The following USP6NL variants were observed in gnomAD, a reference collection of about 807,000 sequenced individuals.
USP6NL encodes the protein USP6 N-terminal-like protein.
USP6NL carries 26 observed loss-of-function variants against 61.9 expected under a neutral mutation model. The observed-to-expected ratio is 0.42, with a 90% confidence interval of 0.31 to 0.58. The LOEUF is 0.58. USP6NL is among the 20% of genes least tolerant of loss of function. The pLI is 0.16. For missense variants in USP6NL, 1,114 were observed against 1,034.3 expected, an observed-to-expected ratio of 1.08 and a Z score of -1.06; for synonymous variants, 432 against 390.1, an observed-to-expected ratio of 1.11 and a Z score of -1.27.
rs1045537448 is a variant in USP6NL at position 11,476,599 on chromosome 10, A to G, written c.1078+5171T>C. On this transcript the variant is annotated intron_variant, in intron 14 of 14. Transcript: ENST00000609104. The surrounding 1 kb of genome is among the most constrained non-coding windows in gnomAD (Gnocchi z 4.3). ...GGTGATCATTTTTAATTTTTACATC[A>G]TATTTCTCTGTATTTTTGATAGTTT... Among the ~76,000 whole-genome samples the G allele has an allele frequency of 3.3e-5, 5 of 152,168 alleles. No individual in the cohort carries two copies. Among genetic ancestry groups the G allele is most frequent in the African/African-American group, 1.2e-4 (5 of 41,428 alleles).
rs1833395938 is a variant in USP6NL at position 11,485,010 on chromosome 10, G to T, written c.886C>A (p.Leu296Ile). The T allele has an allele frequency of 6.4e-7, 1 of 1,550,858 alleles. No individual in the cohort carries two copies. Reference protein sequence around the residue: ...DIYIFEGERVLTAMSYTILKL... With the variant: ...DIYIFEGERVITAMSYTILKL... ...AAGATGGTGTAAGACATAGCAGTAA[G>T]AACTCGTTCTCCTTCAAAGATGTAG... The change falls in exon 13 of 15, where the codon CTT becomes ATT. Residue 296 changes from leucine to isoleucine, a missense_variant. By Grantham distance (5) the Leu-to-Ile change is conservative (BLOSUM62 2). Coordinates refer to ENST00000609104, the MANE Select transcript of USP6NL (RefSeq NM_014688.5). This position sits in a 1 kb window ranked among gnomAD's most constrained non-coding sequence, Gnocchi z 4.8.
intron 7 of USP6NL, among the ~76,000 whole-genome samples, chr10:11,493,640 C>T (rs1196565672): frequency 6.6e-5 from 10 of 152,222 alleles, no homozygotes; most frequent in Admixed American, 6.5e-4. Context: ...TCTCAATTTG[C>T]TTTGTTTCCC....
At position 11,468,427 on chromosome 10, in the gene USP6NL, G is replaced by A. The variant is rs567188057; in HGVS notation, c.1079-4578C>T. ...CTCATTCTAAAACCTCTTTTTCACT[G>A]AAAACATGGAAGCGAAACACTACTG... On this transcript the variant is annotated intron_variant, in intron 14 of 14. Transcript: ENST00000609104. The surrounding 1 kb of genome is among the most constrained non-coding windows in gnomAD (Gnocchi z 4.5). 1.1e-3 allele frequency among the ~76,000 whole-genome samples: 164 copies of A among 152,214 alleles called. 1 individual carries two copies. The highest frequency in any genetic ancestry group is 3.7e-3 in the African/African-American group (153 of 41,542).
rs1474617870 is a variant in USP6NL at position 11,463,827 on chromosome 10, C to G, written c.1101G>C (p.Lys367Asn). 11 of 1,466,874 alleles carry G rather than the reference C, an allele frequency of 7.5e-6. No individual in the cohort carries two copies. The highest frequency in any genetic ancestry group is 9.0e-6 in the Non-Finnish European group (10 of 1,108,712). The allele number at this position is 1,466,874 out of a possible 1,614,324, so 90.9% of individuals were successfully genotyped here. A position where few individuals can be genotyped will look rare whatever the true frequency, so the allele number is the denominator to read the frequency against. Residue 367 changes from lysine to asparagine, a missense_variant, in exon 15 of 15, where the codon AAG becomes AAC. Lys to Asn is a moderately conservative substitution (Grantham distance 94, BLOSUM62 0). Coordinates refer to ENST00000609104, the MANE Select transcript of USP6NL (RefSeq NM_014688.5). This position sits in a 1 kb window ranked among gnomAD's most constrained non-coding sequence, Gnocchi z 6.3. ...PEPGKEDEYP[K>N]KPLGQLPPEL... ...CAGGTGGAAGCTGCCCCAAGGGCTT[C>G]TTTGGATATTCATCCTCTTTACCTG...
At chr10:11,517,142 T>C (rs917427502) in intron 5 of USP6NL, among the ~76,000 whole-genome samples, 1 of 152,242 alleles carries the variant, frequency 6.6e-6, no homozygotes, top group African/African-American at 2.4e-5. Flanking sequence ...ACTGTAACAC[T>C]TGAAGGGACA....
chr10:11,592,925 G>C lies in USP6NL; in HGVS notation c.4+4706C>G, dbSNP rs998223004. Among the ~76,000 whole-genome samples the C allele has an allele frequency of 4.6e-5, 7 of 152,188 alleles. No individual in the cohort carries two copies. The highest frequency in any genetic ancestry group is 4.6e-4 in the Admixed American group (7 of 15,282). On this transcript the variant is annotated intron_variant, in intron 2 of 14. Transcript: ENST00000609104. This position sits in a 1 kb window ranked among gnomAD's most constrained non-coding sequence, Gnocchi z 4.7. ...CATGAACACTTAGTCCCCTGCTCCA[G>C]TGAATGAAGGTCTTTACTCCTATAC...
chr10:11,580,600 A>G (rs1302012693), intron 2 of USP6NL, among the ~76,000 whole-genome samples: 1 of 152,152 alleles, frequency 6.6e-6, no homozygotes, highest in African/African-American at 2.4e-5. Flanking sequence ...TCACCTGGGG[A>G]GTTTCAAAGG....
intron 2 of USP6NL, among the ~76,000 whole-genome samples, chr10:11,577,984 G>A (rs745890933): frequency 9.9e-5 from 15 of 151,976 alleles, no homozygotes; most frequent in Non-Finnish European, 1.8e-4. Context: ...CTTTTTCTGA[G>A]ACAGAGTCTC....
In USP6NL at chr10:11,594,828, G is replaced by A. The variant is rs547533647; in HGVS notation, c.4+2803C>T. Among the ~76,000 whole-genome samples, 4 of 152,186 alleles carry A rather than the reference G, an allele frequency of 2.6e-5. No individual in the cohort carries two copies. In the South Asian group the frequency reaches 8.3e-4, roughly 32 times the overall value. ...TTATTTAACACCTATTTAGTGCCAGGAACAGTGTTTGGCTCTAGGAATGAA... is the reference window on the plus strand; with the variant it reads ...TTATTTAACACCTATTTAGTGCCAGAAACAGTGTTTGGCTCTAGGAATGAA... On this transcript the variant is annotated intron_variant, in intron 2 of 14. Coordinates refer to ENST00000609104, the MANE Select transcript of USP6NL (RefSeq NM_014688.5).
Position 11,611,623 on chromosome 10 carries a change from C to A in USP6NL, c.-264G>T. 1 of 153,276 alleles carries A rather than the reference C, an allele frequency of 6.5e-6. No homozygotes were observed. The highest frequency in any genetic ancestry group is 1.9e-4 in the South Asian group (1 of 5,288). 9.5% of individuals were successfully genotyped at this position (153,276 alleles called of 1,614,324 possible). On this transcript the variant is annotated 5_prime_UTR_variant, in exon 1 of 15. Coordinates refer to ENST00000609104, the MANE Select transcript of USP6NL (RefSeq NM_014688.5). The surrounding 1 kb of genome is among the most constrained non-coding windows in gnomAD (Gnocchi z 5.3). ...CCGAGCCCGGGAACCAGGAAGTTCCCCGGCGCGACACCTCCTGCCGCCGCT... is the reference window on the plus strand; with the variant it reads ...CCGAGCCCGGGAACCAGGAAGTTCCACGGCGCGACACCTCCTGCCGCCGCT...
chr10:11,582,938 T>C (rs1311197005), intron 2 of USP6NL, among the ~76,000 whole-genome samples: 2 of 149,254 alleles, frequency 1.3e-5, no homozygotes, highest in Non-Finnish European at 3.0e-5. Flanking sequence ...ATGTATCTAG[T>C]ATGTAAGAGG....
rs939193161 is a variant in USP6NL, at chr10:11,490,919, T to G, written c.495-39A>C. 2.0e-6 allele frequency: 3 copies of G among 1,482,158 alleles called. No individual in the cohort carries two copies. Among genetic ancestry groups the G allele is most frequent in the African/African-American group, 1.4e-5 (1 of 69,956 alleles). The allele number at this position is 1,482,158 out of a possible 1,614,324, so 91.8% of individuals were successfully genotyped here. ...TTTACATTAAATACAATTTAGTAAT[T>G]TCACATATTTTAAAAATTACAAACT... On this transcript the variant is annotated intron_variant, in intron 8 of 14. Coordinates refer to ENST00000609104, the MANE Select transcript of USP6NL (RefSeq NM_014688.5). The surrounding 1 kb of genome is among the most constrained non-coding windows in gnomAD (Gnocchi z 4.5).
rs1476338671 is a variant in USP6NL, at chr10:11,591,069, A to C, written c.4+6562T>G. Among the ~76,000 whole-genome samples, 1 of 152,166 alleles carries C rather than the reference A, an allele frequency of 6.6e-6. No individual in the cohort carries two copies. Among genetic ancestry groups the C allele is most frequent in the Non-Finnish European group, 1.5e-5 (1 of 68,022 alleles). ...AGTGCCTACATTTACGAATGAGTAA[A>C]GGATGTGTGGGGAGGGGGTTAAAGA... is the stretch of plus-strand genomic sequence containing the variant. On this transcript the variant is annotated intron_variant, in intron 2 of 14. Transcript: ENST00000609104. The surrounding 1 kb of genome is among the most constrained non-coding windows in gnomAD (Gnocchi z 4.7).
intron 7 of USP6NL, among the ~76,000 whole-genome samples, 165 bp from the exon 8 acceptor site, chr10:11,493,393 T>G (rs1177527912): frequency 6.6e-6 from 1 of 152,126 alleles, no homozygotes; most frequent in Admixed American, 6.5e-5. Context: ...ATAGAAACTT[T>G]CCCTCCCCTC....
chr10:11,583,989 A>T (rs1187244698), intron 2 of USP6NL, among the ~76,000 whole-genome samples: 2 of 152,210 alleles, frequency 1.3e-5, no homozygotes, highest in South Asian at 2.1e-4. Flanking sequence ...AGATCACGTC[A>T]CTGCACTCCA....
intron 2 of USP6NL, among the ~76,000 whole-genome samples, chr10:11,541,259 ATATATATATATATAT>A (rs1315603235): frequency 3.1e-5 from 4 of 130,994 alleles, no homozygotes; most frequent in African/African-American, 1.1e-4. Flanking sequence ...ATATATATAT[ATATATATATATATAT>A]ATGTATGTCA....
intron 2 of USP6NL, among the ~76,000 whole-genome samples, chr10:11,581,903 G>A (rs1837785764): frequency 6.6e-6 from 1 of 152,170 alleles, no homozygotes; most frequent in Non-Finnish European, 1.5e-5. Flanking sequence ...CTCCCCAGTA[G>A]CTGGAATTAC....
In USP6NL at chr10:11,485,014, T is replaced by A. The variant is rs1276258235; in HGVS notation, c.882A>T (p.Arg294=). 1.3e-6 allele frequency: 2 copies of A among 1,551,238 alleles called. No homozygotes were observed. The highest frequency in any genetic ancestry group is 1.7e-6 in the Non-Finnish European group (2 of 1,146,928). The change falls in exon 13 of 15, where the codon CGA becomes CGT. Residue 294 remains arginine, a synonymous_variant. Coordinates refer to ENST00000609104, the MANE Select transcript of USP6NL (RefSeq NM_014688.5). The surrounding 1 kb of genome is among the most constrained non-coding windows in gnomAD (Gnocchi z 4.8). ...IWDIYIFEGE[R]VLTAMSYTIL... is the part of the protein sequence containing the mutation. ...TGGTGTAAGACATAGCAGTAAGAAC[T>A]CGTTCTCCTTCAAAGATGTAGATAT...
At chr10:11,521,738 A>G (rs1408671879) in intron 4 of USP6NL, among the ~76,000 whole-genome samples, 1 of 152,024 alleles carries the variant, frequency 6.6e-6, no homozygotes, top group Admixed American at 6.6e-5. Context: ...CAGTCATTTT[A>G]TACAGTCACA....
Sources: gnomAD v4.1 joint callset for allele counts (sites outside exome capture counted in the v4.1 genomes callset) on GRCh38, gnomAD v4.1.1 for gene constraint, Gnocchi (gnomAD v3.1) non-coding constraint, MANE v1.5 for transcripts, NCBI Gene and HGNC (gene_info 2026-07-23, HGNC 2026-07-21) for gene names.